The following CCSER1 variants were observed in gnomAD, a reference collection of about 807,000 sequenced individuals.
The protein encoded by CCSER1 is serine-rich coiled-coil domain-containing protein 1.
A neutral mutation model predicts 82.0 loss-of-function variants in CCSER1; 41 were observed. The ratio of observed to expected loss-of-function variants is 0.50; its 90% confidence interval spans 0.39 to 0.65. The LOEUF is 0.65. Among genes scored for constraint, CCSER1 ranks in the 30% least tolerant of loss-of-function variants. The pLI is 0.00. For synonymous variants in CCSER1, 414 were observed against 383.9 expected (o/e 1.08, Z -0.92); for missense variants, 1,119 against 1,064.2 (o/e 1.05, Z -0.72).
chr4:90,514,765 A>T (rs1772027653), intron 5 of CCSER1, among the ~76,000 whole-genome samples: 1 of 152,202 alleles, frequency 6.6e-6, no homozygotes, highest in Non-Finnish European at 1.5e-5. Flanking sequence ...AAAAATAAAA[A>T]AAAAGAAAAT....
At chr4:90,157,452 A>T (rs1283115383) in intron 1 of CCSER1, among the ~76,000 whole-genome samples, 1 of 152,174 alleles carries the variant, frequency 6.6e-6, no homozygotes, top group Non-Finnish European at 1.5e-5. Context: ...TCTCCTGGAT[A>T]ATATCCTGAA....
chr4:91,539,402 A>ACATTTCT (rs1761472460), intron 10 of CCSER1, among the ~76,000 whole-genome samples: 1 of 152,024 alleles, frequency 6.6e-6, no homozygotes, highest in Non-Finnish European at 1.5e-5. Context: ...AATTTTCTGA[A>ACATTTCT]GTTAATATTC....
chr4:90,199,721 T>G (rs1201021601), intron 1 of CCSER1, among the ~76,000 whole-genome samples: 2 of 152,198 alleles, frequency 1.3e-5, no homozygotes, highest in African/African-American at 4.8e-5. Flanking sequence ...GTCCTGGCAC[T>G]TATAAAATTA....
At chr4:90,287,446 G>A (rs1354020165) in intron 1 of CCSER1, among the ~76,000 whole-genome samples, 3 of 151,494 alleles carry the variant, frequency 2.0e-5, no homozygotes, top group Non-Finnish European at 4.4e-5. Flanking sequence ...TAATATGTAT[G>A]AAATTCTTTA....
chr4:91,398,152 T>A (rs1752102108), intron 10 of CCSER1, among the ~76,000 whole-genome samples: 1 of 152,016 alleles, frequency 6.6e-6, no homozygotes, highest in Admixed American at 6.6e-5. Flanking sequence ...TGTCTATAAG[T>A]GCTTAGAAAA....
chr4:90,419,086 A>G (rs1037904940), intron 4 of CCSER1, among the ~76,000 whole-genome samples: 1 of 152,050 alleles, frequency 6.6e-6, no homozygotes, highest in African/African-American at 2.4e-5. Flanking sequence ...TGTTTCCACT[A>G]TAAAAGCTCT....
intron 8 of CCSER1, among the ~76,000 whole-genome samples, chr4:90,861,905 C>CATATATATATATATATATAT (rs1433929339): frequency 1.4e-5 from 2 of 139,416 alleles, no homozygotes; most frequent in African/African-American, 5.2e-5. Flanking sequence ...TATGATGACT[C>CATATATATATATATATATAT]ATATATATAT....
intron 7 of CCSER1, among the ~76,000 whole-genome samples, chr4:90,750,001 A>T (rs546523451): frequency 6.6e-6 from 1 of 151,978 alleles, no homozygotes; most frequent in Non-Finnish European, 1.5e-5. Context: ...GTGTGAGATG[A>T]TATCTCATTG....
At chr4:91,368,654 A>G (rs1749809421) in intron 10 of CCSER1, among the ~76,000 whole-genome samples, 1 of 152,118 alleles carries the variant, frequency 6.6e-6, no homozygotes. Context: ...CATAATTGCC[A>G]TACAATTTTA....
chr4:90,495,995 A>G (rs966045886), intron 5 of CCSER1, among the ~76,000 whole-genome samples: 10 of 152,294 alleles, frequency 6.6e-5, no homozygotes, highest in East Asian at 3.9e-4. Flanking sequence ...TTTTGCAAAA[A>G]TCTTTTTATT....
intron 10 of CCSER1, among the ~76,000 whole-genome samples, chr4:91,318,499 C>G (rs767332109): frequency 6.6e-5 from 10 of 151,858 alleles, no homozygotes; most frequent in Non-Finnish European, 1.3e-4. Flanking sequence ...ACAGTACAAC[C>G]TGGGAGAAAG....
In CCSER1 at chr4:91,043,716, G is replaced by A. The variant is rs995125511; in HGVS notation, c.2173-42234G>A. Among the ~76,000 whole-genome samples, 6 of 150,210 alleles carry A rather than the reference G, an allele frequency of 4.0e-5. No individual in the cohort carries two copies. In the East Asian group the frequency reaches 6.0e-4, roughly 15 times the overall value. On this transcript the variant is annotated intron_variant, in intron 9 of 10. Coordinates refer to ENST00000509176, the MANE Select transcript of CCSER1 (RefSeq NM_001145065.2). ...TGCGATTCTCCTGCCTCAGCCTCCC[G>A]AGTAACTGGGATCACAGGCATGTGC...
At chr4:90,158,391 C>A (rs766982767) in intron 1 of CCSER1, among the ~76,000 whole-genome samples, 13 of 152,162 alleles carry the variant, frequency 8.5e-5, no homozygotes, top group African/African-American at 2.4e-4. Flanking sequence ...CTGGGAGAAC[C>A]ACTGCTCTCC....
intron 9 of CCSER1, among the ~76,000 whole-genome samples, chr4:91,006,440 A>G (rs182960785): frequency 6.6e-6 from 1 of 152,022 alleles, no homozygotes; most frequent in South Asian, 2.1e-4. Context: ...TGCAAAAAAA[A>G]GATAATTTGG....
At chr4:90,324,093 A>T (rs1475875821) in intron 3 of CCSER1, among the ~76,000 whole-genome samples, 1 of 152,068 alleles carries the variant, frequency 6.6e-6, no homozygotes, top group African/African-American at 2.4e-5. Context: ...GGTTGGTTCC[A>T]AGTCTTTGCT....
intron 10 of CCSER1, among the ~76,000 whole-genome samples, chr4:91,590,613 TGAGA>T (rs1183951277): frequency 6.6e-6 from 1 of 152,156 alleles, no homozygotes; most frequent in Non-Finnish European, 1.5e-5. Flanking sequence ...TGATTGTACT[TGAGA>T]AAGACGCACA....
intron 8 of CCSER1, among the ~76,000 whole-genome samples, chr4:90,843,902 C>T (rs1332321652): frequency 1.3e-5 from 2 of 151,980 alleles, no homozygotes; most frequent in Non-Finnish European, 2.9e-5. Flanking sequence ...AATAACATTA[C>T]TTAGTCACTA....
chr4:90,387,923 G>A lies in CCSER1; in HGVS notation c.1510-12113G>A, dbSNP rs570785605. On this transcript the variant is annotated intron_variant, in intron 3 of 10. Transcript: ENST00000509176. ...CTGTGAGTCCTTTCAGTGAATGATT[G>A]CATTAGAGGGTGGTTTTGTGAATCC... 9.9e-4 allele frequency among the ~76,000 whole-genome samples: 150 copies of A among 152,240 alleles called. 4 individuals are homozygous for A. The South Asian group carries it at 0.03, about 30-fold the overall frequency.
At chr4:90,770,956 G>A (rs1458036764) in intron 7 of CCSER1, among the ~76,000 whole-genome samples, 1 of 152,104 alleles carries the variant, frequency 6.6e-6, no homozygotes. Context: ...AAAAACAGTT[G>A]TGATTTTTAA....
Sources: allele counts gnomAD v4.1 joint callset (sites outside exome capture counted in the v4.1 genomes callset), GRCh38; gene constraint gnomAD v4.1.1; transcripts MANE v1.5; gene names NCBI Gene and HGNC (gene_info 2026-07-23, HGNC 2026-07-21).